Variants in USP32 observed in about 807,000 individuals in gnomAD.
The protein encoded by USP32 is ubiquitin specific peptidase 32.
A neutral mutation model predicts 204.8 loss-of-function variants in USP32; 59 were observed. That is an observed-to-expected ratio of 0.29 (90% CI 0.23 to 0.36). USP32 has a LOEUF of 0.36. Ranked by LOEUF, USP32 falls within the 10% of genes least tolerant of loss-of-function variation. The pLI is 1.00. For missense variants in USP32, 1,160 were observed against 1,946.4 expected (o/e 0.60, Z 7.60); for synonymous variants, 517 against 678.4 (o/e 0.76, Z 3.70).
At chr17:60,303,893 A>G (rs1043386713) in intron 2 of USP32, among the ~76,000 whole-genome samples, 1 of 152,186 alleles carries the variant, frequency 6.6e-6, no homozygotes, top group Non-Finnish European at 1.5e-5. Context: ...GGGCAGGGGA[A>G]GGTAGACAGA....
At chr17:60,348,910 A>G (rs1271832403) in intron 1 of USP32, among the ~76,000 whole-genome samples, 1 of 152,204 alleles carries the variant, frequency 6.6e-6, no homozygotes, top group African/African-American at 2.4e-5. Flanking sequence ...ATAAGTAGCT[A>G]GAGAAAAGTA....
At chr17:60,369,423 T>TA (rs11348474) in intron 1 of USP32, among the ~76,000 whole-genome samples, 6,183 of 85,006 alleles carry the variant, frequency 0.073, 206 homozygotes, top group East Asian at 0.19. Context: ...GACCCCTACC[T>TA]AAAAAAAAAA....
At chr17:60,257,490 A>G (rs544067508) in intron 9 of USP32, among the ~76,000 whole-genome samples, 1 of 152,132 alleles carries the variant, frequency 6.6e-6, no homozygotes, top group South Asian at 2.1e-4. Context: ...TATTTATTTT[A>G]TTTTGTTTTC....
intron 27 of USP32, among the ~76,000 whole-genome samples, chr17:60,194,138 G>A (rs2084454564): frequency 6.6e-6 from 1 of 151,888 alleles, no homozygotes; most frequent in South Asian, 2.1e-4. Context: ...CACCTTTCTG[G>A]GCTCAGGTGA....
At chr17:60,421,931 G>C (rs1252628970) in intron 1 of USP32, 5 of 985,666 alleles carry the variant, frequency 5.1e-6, no homozygotes, top group Non-Finnish European at 6.0e-6. Flanking sequence ...CTGCCCCAGG[G>C]AAGGCCGCGG....
intron 2 of USP32, among the ~76,000 whole-genome samples, chr17:60,326,065 C>G (rs1422119231): frequency 1.3e-5 from 2 of 151,468 alleles, no homozygotes; most frequent in African/African-American, 2.4e-5. Flanking sequence ...TTCTGGAACC[C>G]TGATAAAATT....
chr17:60,223,535 T>A lies in USP32; in HGVS notation c.1484A>T (p.His495Leu), dbSNP rs199695331. Reference protein sequence around the residue: ...PGADVCFARQHNTSDNNNQCL... With the variant: ...PGADVCFARQLNTSDNNNQCL... Reference sequence around the variant, plus strand: ...CTGGTTGTTATTGTCAGAAGTGTTATGTTGTCGAGCAAAGCAAACATCTGC... The same window carrying A: ...CTGGTTGTTATTGTCAGAAGTGTTAAGTTGTCGAGCAAAGCAAACATCTGC... Residue 495 changes from histidine to leucine, a missense_variant, in exon 14 of 34, where the codon CAT (histidine) becomes CTT (leucine). By Grantham distance (99) the His-to-Leu change is moderately conservative. This residue lies in a region of USP32 where 536 missense variants were observed against 680.9 expected (regional missense o/e 0.79). Transcript: ENST00000300896. 1 of 1,613,318 alleles carries A rather than the reference T, an allele frequency of 6.2e-7. No individual in the cohort carries two copies. The highest frequency in any genetic ancestry group is 8.5e-7 in the Non-Finnish European group (1 of 1,179,830).
intron 9 of USP32, among the ~76,000 whole-genome samples, chr17:60,263,302 A>G (rs943125124): frequency 2.6e-5 from 4 of 152,184 alleles, no homozygotes; most frequent in Non-Finnish European, 4.4e-5. Context: ...GTATACTACA[A>G]ACTATCCAAG....
At chr17:60,262,738 A>G (rs1303757561) in intron 9 of USP32, among the ~76,000 whole-genome samples, 1 of 152,160 alleles carries the variant, frequency 6.6e-6, no homozygotes, top group Admixed American at 6.5e-5. Context: ...AGGACTACAC[A>G]GGATGTTTTA....
chr17:60,392,504 T>C (rs1052867789), upstream of USP32: 2 of 289,150 alleles, frequency 6.9e-6, no homozygotes, highest in Non-Finnish European at 7.2e-6. Context: ...CGCGCCCACA[T>C]GTTCTGGCGT....
At chr17:60,369,906 T>TA (rs574194109) in intron 1 of USP32, among the ~76,000 whole-genome samples, 12 of 152,100 alleles carry the variant, frequency 7.9e-5, no homozygotes, top group Non-Finnish European at 1.6e-4. Context: ...CTCAGCTAAT[T>TA]AAAAAAAAGA....
chr17:60,257,130 G>A, intron 9 of USP32: 1 of 177,538 alleles, frequency 5.6e-6, no homozygotes, highest in Non-Finnish European at 1.2e-5. Context: ...GAAAAGCAAA[G>A]GTTTTCACTA....
rs563263737 is a variant in USP32, at chr17:60,311,696, G to A, written c.187-9992C>T. The stretch of plus-strand genomic sequence containing the variant: ...AAAAATTAGCCAGTTGTGGTGGCAG[G>A]CACTTGTAATCCCAGCTACTCAGGA... On this transcript the variant is annotated intron_variant, in intron 2 of 33. Coordinates refer to ENST00000300896, the MANE Select transcript of USP32 (RefSeq NM_032582.4). 9.2e-5 allele frequency among the ~76,000 whole-genome samples: 14 copies of A among 152,234 alleles called. No homozygotes were observed. In the South Asian group the frequency reaches 2.9e-3, roughly 32 times the overall value.
At chr17:60,380,330 G>A (rs924541290) in intron 1 of USP32, among the ~76,000 whole-genome samples, 23 of 152,304 alleles carry the variant, frequency 1.5e-4, no homozygotes, top group Admixed American at 3.3e-4. Context: ...ACTTTGGGAG[G>A]CTGTGGTGGG....
At chr17:60,234,383 G>A (rs2085658512) in intron 12 of USP32, among the ~76,000 whole-genome samples, 1 of 150,452 alleles carries the variant, frequency 6.6e-6, no homozygotes, top group Non-Finnish European at 1.5e-5. Context: ...AAAGTGCTGG[G>A]ATTACAGGTG....
chr17:60,238,469 A>T (rs1038676384), intron 11 of USP32, among the ~76,000 whole-genome samples: 1 of 151,936 alleles, frequency 6.6e-6, no homozygotes, highest in Non-Finnish European at 1.5e-5. Context: ...GGAGTTCAAG[A>T]CCAGCCTGGG....
At chr17:60,290,890 G>A (rs1289464533) in intron 4 of USP32, among the ~76,000 whole-genome samples, 1 of 152,192 alleles carries the variant, frequency 6.6e-6, no homozygotes, top group Non-Finnish European at 1.5e-5. Context: ...GGTCAGTTTT[G>A]TGGAACTAAT....
At chr17:60,350,864 G>A (rs904624266) in intron 1 of USP32, among the ~76,000 whole-genome samples, 13 of 151,772 alleles carry the variant, frequency 8.6e-5, no homozygotes, top group Non-Finnish European at 1.9e-4. Context: ...TCCACGTAAC[G>A]AAAAACCACC....
chr17:60,190,253 G>A lies in USP32; in HGVS notation c.3642+310C>T, dbSNP rs1232269844. Among the ~76,000 whole-genome samples the A allele has an allele frequency of 5.3e-5, 8 of 152,146 alleles. No homozygotes were observed. The East Asian group carries it at 1.5e-3, about 29-fold the overall frequency. ...AGCCTTTGCCAGAAGCCAGGACCAT[G>A]TCCTTGAACTTCCCAGGCTGCCGAA... On this transcript the variant is annotated intron_variant, in intron 29 of 33. Coordinates refer to ENST00000300896, the MANE Select transcript of USP32 (RefSeq NM_032582.4).
Sources: allele counts gnomAD v4.1 joint callset (sites outside exome capture counted in the v4.1 genomes callset), GRCh38; gene constraint gnomAD v4.1.1; regional missense constraint gnomAD v4.1.1; transcripts MANE v1.5; gene names NCBI Gene and HGNC (gene_info 2026-07-23, HGNC 2026-07-21).